BMPR1A: variants seen among roughly 807,000 people sequenced by gnomAD.
BMPR1A encodes the protein bone morphogenetic protein receptor type-1A.
Under a neutral mutation model 66.0 loss-of-function variants are expected in BMPR1A, and 7 were observed. The observed-to-expected ratio is 0.11, with a 90% CI of 0.06 to 0.20. BMPR1A has a LOEUF of 0.20. Ranked by LOEUF, BMPR1A falls within the 10% of genes least tolerant of loss-of-function variation. The pLI is 1.00. For missense variants in BMPR1A, 408 were observed against 669.1 expected (o/e 0.61, Z 4.31); for synonymous variants, 200 against 229.7 (o/e 0.87, Z 1.17).
At chr10:86,854,576 G>A (rs1470591147) in intron 2 of BMPR1A, 1 of 155,154 alleles carries the variant, frequency 6.4e-6, no homozygotes, top group Non-Finnish European at 1.5e-5. Flanking sequence ...CATGGCTTTA[G>A]CCAGTCCCTC....
rs1488358391 is a variant in BMPR1A at position 86,827,443 on chromosome 10, T to C, written c.-267-11422T>C. Among the ~76,000 whole-genome samples the C allele has an allele frequency of 3.9e-5, 6 of 152,190 alleles. No individual in the cohort carries two copies. In the South Asian group the frequency reaches 6.2e-4, roughly 16 times the overall value. On this transcript the variant is annotated intron_variant, in intron 1 of 12. Coordinates refer to ENST00000372037, the MANE Select transcript of BMPR1A (RefSeq NM_004329.3). ...AATATACCACAGTCCATTTTACTGCTGCTTGACACCTCGGTTTCACCTAGT... is the reference window on the plus strand; with the variant it reads ...AATATACCACAGTCCATTTTACTGCCGCTTGACACCTCGGTTTCACCTAGT...
At chr10:86,802,388 A>T (rs1213161027) in intron 1 of BMPR1A, among the ~76,000 whole-genome samples, 1 of 152,208 alleles carries the variant, frequency 6.6e-6, no homozygotes, top group Non-Finnish European at 1.5e-5. Context: ...AGGACTTGGA[A>T]AGTAAAAATA....
chr10:86,872,001 C>T (rs1275369491), intron 2 of BMPR1A, among the ~76,000 whole-genome samples: 1 of 152,096 alleles, frequency 6.6e-6, no homozygotes, highest in Non-Finnish European at 1.5e-5. Context: ...GAGGCCTGGC[C>T]AGGTGGAATA....
At chr10:86,784,897 T>C (rs768763896) in intron 1 of BMPR1A, among the ~76,000 whole-genome samples, 14 of 152,244 alleles carry the variant, frequency 9.2e-5, no homozygotes, top group Non-Finnish European at 1.6e-4. Flanking sequence ...TGTTTTTTTT[T>C]CTTAAATCTG....
intron 3 of BMPR1A, chr10:86,889,635 A>T: frequency 5.3e-6 from 1 of 186,962 alleles, no homozygotes; most frequent in South Asian, 1.1e-4. Context: ...AGGCTTATTC[A>T]TTGCACTCCA....
intron 1 of BMPR1A, among the ~76,000 whole-genome samples, chr10:86,791,375 G>C (rs544993921): frequency 6.6e-6 from 1 of 151,936 alleles, no homozygotes; most frequent in Non-Finnish European, 1.5e-5. Flanking sequence ...ACCATGCCTG[G>C]CTAATTTTTT....
At chr10:86,885,808 G>A (rs1843060635) in intron 3 of BMPR1A, among the ~76,000 whole-genome samples, 1 of 152,160 alleles carries the variant, frequency 6.6e-6, no homozygotes, top group South Asian at 2.1e-4. Flanking sequence ...CTATCTTAAG[G>A]TTGCGGCAGA....
At position 86,912,212 on chromosome 10, in the gene BMPR1A, T is replaced by C. The variant is rs750200469; in HGVS notation, c.531-28T>C. On this transcript the variant is annotated intron_variant, in intron 7 of 12. Transcript: ENST00000372037. ...GGGTTTTATAGTTTTTCATTTTTAA[T>C]GTAGATTGTTTTCTGCTTTTTTAAA... 23 of 1,611,068 alleles carry C rather than the reference T, an allele frequency of 1.4e-5. 1 individual carries two copies. In the South Asian group the frequency reaches 1.9e-4, roughly 13 times the overall value.
chr10:86,881,448 A>G (rs1842984070), intron 3 of BMPR1A, among the ~76,000 whole-genome samples: 1 of 152,222 alleles, frequency 6.6e-6, no homozygotes, highest in African/African-American at 2.4e-5. Flanking sequence ...AGGATTAGAT[A>G]CATTATTTTA....
intron 2 of BMPR1A, among the ~76,000 whole-genome samples, chr10:86,860,784 A>G (rs1418559123): frequency 2.3e-4 from 35 of 151,306 alleles, no homozygotes; most frequent in Non-Finnish European, 4.3e-4. Flanking sequence ...AAAAAAAAAA[A>G]GATGCTAAAA....
chr10:86,779,735 G>A (rs1841406959), intron 1 of BMPR1A, among the ~76,000 whole-genome samples: 5 of 152,084 alleles, frequency 3.3e-5, no homozygotes, highest in Admixed American at 3.3e-4. Flanking sequence ...GAGTAGCTGG[G>A]ACTACAGATG....
At chr10:86,860,379 ACTTAACAATCCTT>A (rs1842698059) in intron 2 of BMPR1A, among the ~76,000 whole-genome samples, 1 of 152,208 alleles carries the variant, frequency 6.6e-6, no homozygotes, top group Non-Finnish European at 1.5e-5. Context: ...GCTATATGTT[ACTTAACAATCCTT>A]TCTTTGAAAT....
At chr10:86,884,662 G>A (rs1426767386) in intron 3 of BMPR1A, among the ~76,000 whole-genome samples, 19 of 150,122 alleles carry the variant, frequency 1.3e-4, no homozygotes, top group Admixed American at 1.2e-3. Context: ...CAGTCCACCC[G>A]CCTCGGCCTC....
rs1201398448 is a variant in BMPR1A at position 86,923,658 on chromosome 10, C to G, written c.1538C>G (p.Thr513Arg). Residue 513 changes from threonine to arginine, a missense_variant, in exon 13 of 13, where the codon ACA (threonine) becomes AGA (arginine). Around this residue, in one of 5 missense-constraint regions of BMPR1A, gnomAD observed 130 missense variants for 257.3 expected, o/e 0.51. Transcript: ENST00000372037. ...GCCCACAATCCAGCCTCCAGACTCA[C>G]AGCATTGAGAATTAAGAAGACGCTT... Reference protein sequence around the residue: ...CWAHNPASRLTALRIKKTLAK... With the variant: ...CWAHNPASRLRALRIKKTLAK... 3 of 1,614,100 alleles carry G rather than the reference C, an allele frequency of 1.9e-6. No homozygotes were observed. The highest frequency in any genetic ancestry group is 2.5e-6 in the Non-Finnish European group (3 of 1,180,050).
intron 1 of BMPR1A, among the ~76,000 whole-genome samples, chr10:86,783,332 C>G (rs1344318131): frequency 2.6e-5 from 4 of 152,040 alleles, no homozygotes; most frequent in Non-Finnish European, 5.9e-5. Flanking sequence ...TATTTGGGGT[C>G]CTTTGAGATT....
chr10:86,875,023 C>T (rs1331047877), intron 2 of BMPR1A, among the ~76,000 whole-genome samples: 2 of 151,906 alleles, frequency 1.3e-5, no homozygotes, highest in African/African-American at 2.4e-5. Context: ...AGCCACTGCA[C>T]CTGGCTCCTT....
At chr10:86,836,184 C>T (rs949969089) in intron 1 of BMPR1A, among the ~76,000 whole-genome samples, 2 of 152,160 alleles carry the variant, frequency 1.3e-5, no homozygotes, top group African/African-American at 4.8e-5. Context: ...GTAAATTACC[C>T]AGTAAGCTAA....
intron 2 of BMPR1A, among the ~76,000 whole-genome samples, chr10:86,856,408 C>T (rs1842643387): frequency 6.6e-6 from 1 of 152,192 alleles, no homozygotes; most frequent in African/African-American, 2.4e-5. Context: ...CATCTCCCTA[C>T]CTGGCCCACG....
chr10:86,756,521 G>A (rs1483994884), upstream of BMPR1A: 1 of 149,698 alleles, frequency 6.7e-6, no homozygotes, highest in Non-Finnish European at 1.5e-5. Context: ...GCGCGGCGCG[G>A]GCGGGGGCCT....
Sources: gnomAD v4.1 joint callset for allele counts (sites outside exome capture counted in the v4.1 genomes callset) on GRCh38, gnomAD v4.1.1 for gene constraint, gnomAD v4.1.1 regional missense constraint, MANE v1.5 for transcripts, NCBI Gene and HGNC (gene_info 2026-07-23, HGNC 2026-07-21) for gene names.